MRC2: variants seen among roughly 807,000 people sequenced by gnomAD.
MRC2 encodes mannose receptor C-type 2.
MRC2 carries 84 observed loss-of-function variants against 206.2 expected under a neutral mutation model. The observed-to-expected ratio is 0.41, with a 90% CI of 0.34 to 0.49. The LOEUF (loss-of-function observed/expected upper bound fraction) is 0.49, where lower values mean the gene tolerates loss of function less well. Among genes scored for constraint, MRC2 ranks in the 20% least tolerant of loss-of-function variants. MRC2 has a pLI of 0.31. For missense variants in MRC2, 1,676 were observed against 2,001.5 expected (o/e 0.84, Z 3.10); for synonymous variants, 798 against 800.0 (o/e 1.00, Z 0.04).
At chr17:62,662,959 G>T (rs2088699061) in intron 1 of MRC2, among the ~76,000 whole-genome samples, 1 of 152,152 alleles carries the variant, frequency 6.6e-6, no homozygotes, top group Non-Finnish European at 1.5e-5. Context: ...CTAGCAGTCG[G>T]ATTCATCATT....
chr17:62,673,652 G>A (rs763788582), intron 8 of MRC2, among the ~76,000 whole-genome samples: 7 of 151,954 alleles, frequency 4.6e-5, no homozygotes, highest in Non-Finnish European at 7.4e-5. Flanking sequence ...GGGATTACAG[G>A]CATGCACCAC....
intron 1 of MRC2, among the ~76,000 whole-genome samples, chr17:62,650,480 C>T (rs1380231131): frequency 6.6e-6 from 1 of 152,242 alleles, no homozygotes; most frequent in South Asian, 2.1e-4. Flanking sequence ...CCAAACACAA[C>T]TTGCCTGTGG....
In MRC2 at chr17:62,680,934, G is replaced by C; in HGVS notation, c.2608G>C (p.Asp870His). ...CTCGGTGCACAGCCAGGCGGAGCTA[G>C]ACTTCCTGAGCCACAACTTGCAGAA... Reference protein sequence around the residue: ...LTSVHSQAELDFLSHNLQKFS... With the variant: ...LTSVHSQAELHFLSHNLQKFS... Residue 870 changes from aspartate to histidine, a missense_variant, in exon 17 of 30, where the codon GAC (aspartate) becomes CAC (histidine). Transcript: ENST00000303375. This position sits in a 1 kb window ranked among gnomAD's most constrained non-coding sequence, Gnocchi z 4.8. The C allele has an allele frequency of 1.2e-6, 2 of 1,613,144 alleles. No homozygotes were observed. Among genetic ancestry groups the C allele is most frequent in the Non-Finnish European group, 8.5e-7 (1 of 1,179,904 alleles).
intron 10 of MRC2, 102 bp downstream of exon 10, chr17:62,676,007 C>T (rs946384631): frequency 1.1e-6 from 1 of 942,846 alleles, no homozygotes; most frequent in Admixed American, 2.1e-5. Context: ...CCCAGAGGGA[C>T]CTGGAGTCCT....
rs960498377 is a variant in MRC2, at chr17:62,627,706, C to T, written c.-97C>T. 3.1e-5 allele frequency: 28 copies of T among 911,942 alleles called. No individual in the cohort carries two copies. Among genetic ancestry groups the T allele is most frequent in the Non-Finnish European group, 4.0e-5 (27 of 671,960 alleles). 56.5% of individuals were successfully genotyped at this position (911,942 alleles called of 1,614,324 possible). On this transcript the variant is annotated 5_prime_UTR_variant, in exon 1 of 30. Transcript: ENST00000303375. ...CCGACCCGGAGGAGGACGCGAGCCC[C>T]TTGCGGGCGGTCATCACAGCCCAGC...
chr17:62,653,326 C>T (rs1196835234), intron 1 of MRC2, among the ~76,000 whole-genome samples: 2 of 152,076 alleles, frequency 1.3e-5, no homozygotes, highest in East Asian at 3.9e-4. Context: ...CCAGAGAACC[C>T]CAGGGGCGGG....
intron 1 of MRC2, among the ~76,000 whole-genome samples, chr17:62,653,446 C>T (rs1304692727): frequency 6.6e-6 from 1 of 152,140 alleles, no homozygotes; most frequent in Non-Finnish European, 1.5e-5. Flanking sequence ...TCCCCACCAC[C>T]GCCTGCATTT....
At position 62,677,396 on chromosome 17, in the gene MRC2, G is replaced by A. The variant is rs2088907118; in HGVS notation, c.1962G>A (p.Pro654=). ...CRQSLGTPVT[P]ELPGPDPTPS... ...AGAGCCTGGGCACTCCAGTGACGCC[G>A]GAGCTGCCGGGGCCAGATCCCACGC... The change falls in exon 12 of 30, where the codon CCG becomes CCA. Residue 654 remains proline, a synonymous_variant. Transcript: ENST00000303375. 18 of 1,610,864 alleles carry A rather than the reference G, an allele frequency of 1.1e-5. No homozygotes were observed. The highest frequency in any genetic ancestry group is 2.7e-5 in the African/African-American group (2 of 74,938).
At chr17:62,655,498 C>T (rs1462430052) in intron 1 of MRC2, among the ~76,000 whole-genome samples, 5 of 151,996 alleles carry the variant, frequency 3.3e-5, no homozygotes, top group Admixed American at 6.6e-5. Context: ...GCCGAGATCG[C>T]GCCACTGCAC....
Position 62,664,022 on chromosome 17 carries a change from G to T in MRC2, c.119-526G>T, listed in dbSNP as rs372012484. On this transcript the variant is annotated intron_variant, in intron 1 of 29. Transcript: ENST00000303375. The surrounding 1 kb of genome is among the most constrained non-coding windows in gnomAD (Gnocchi z 4.7). ...TCGCCCAGGCTGGAGTGCAGTGGCGGGATCTCGGCTCACTGCAAGCTCCGC... is the reference window on the plus strand; with the variant it reads ...TCGCCCAGGCTGGAGTGCAGTGGCGTGATCTCGGCTCACTGCAAGCTCCGC... 5.7e-4 allele frequency among the ~76,000 whole-genome samples: 85 copies of T among 149,082 alleles called. No homozygotes were observed. The South Asian group carries it at 6.5e-3, about 11-fold the overall frequency.
intron 1 of MRC2, among the ~76,000 whole-genome samples, chr17:62,663,900 C>T (rs2088710116): frequency 6.6e-6 from 1 of 151,496 alleles, no homozygotes; most frequent in Non-Finnish European, 1.5e-5. Flanking sequence ...GCCTCCACTC[C>T]TCCTCATAAA....
chr17:62,638,143 G>A (rs2041284), intron 1 of MRC2, among the ~76,000 whole-genome samples: 102,149 of 152,066 alleles, frequency 0.67, 34,461 homozygotes, highest in East Asian at 0.81. Flanking sequence ...GATTACAGGC[G>A]TGAGCAACTA....
At chr17:62,651,381 C>T (rs574812178) in intron 1 of MRC2, among the ~76,000 whole-genome samples, 9 of 152,114 alleles carry the variant, frequency 5.9e-5, no homozygotes, top group Middle Eastern at 3.4e-3. Flanking sequence ...TGCGCCCGGC[C>T]GACAAACATC....
At chr17:62,669,148 G>T (rs2088795126) in intron 6 of MRC2, among the ~76,000 whole-genome samples, 1 of 151,460 alleles carries the variant, frequency 6.6e-6, no homozygotes, top group South Asian at 2.1e-4. Flanking sequence ...AGACAGTAAA[G>T]AGTTTACAGA....
Position 62,689,965 on chromosome 17 carries a change from G to A in MRC2, c.3645G>A (p.Gln1215=), listed in dbSNP as rs1238298409. Residue 1215 remains glutamine, a synonymous_variant, in exon 25 of 30, where the codon CAG becomes CAA. Transcript: ENST00000303375. ...NYVGWQDGEP[Q]QPGGCTYVDV... ...TGGGCTGGCAGGACGGGGAGCCGCA[G>A]CAGCCGGGGGGCTGTACCTACGTAG... The A allele has an allele frequency of 6.8e-6, 11 of 1,612,288 alleles. No homozygotes were observed. The highest frequency in any genetic ancestry group is 4.0e-5 in the African/African-American group (3 of 74,930).
In MRC2 at chr17:62,692,223, CT is replaced by C; in HGVS notation, c.4220-6del. ...CACTTGGCCTTTCACGCCCACTCGC[CT>C]TGGCAGCGCTTCCAGAGAACCCAGC... On this transcript the variant is annotated splice_polypyrimidine_tract_variant and splice_region_variant and intron_variant, in intron 29 of 29. Coordinates refer to ENST00000303375, the MANE Select transcript of MRC2 (RefSeq NM_006039.5). This position sits in a 1 kb window ranked among gnomAD's most constrained non-coding sequence, Gnocchi z 4.2. 1 of 1,612,298 alleles carries C rather than the reference CT, an allele frequency of 6.2e-7. No homozygotes were observed. The highest frequency in any genetic ancestry group is 8.5e-7 in the Non-Finnish European group (1 of 1,178,964).
At chr17:62,668,382 AT>A (rs1195667998) in intron 6 of MRC2, among the ~76,000 whole-genome samples, 40 of 151,042 alleles carry the variant, frequency 2.6e-4, no homozygotes, top group African/African-American at 7.5e-4. Context: ...AAATAAATAA[AT>A]AAATTTAAAA....
At chr17:62,668,097 C>T (rs943709791) in intron 6 of MRC2, among the ~76,000 whole-genome samples, 4 of 152,150 alleles carry the variant, frequency 2.6e-5, no homozygotes, top group Non-Finnish European at 5.9e-5. Context: ...TGGCTCACAC[C>T]TATAATCCCA....
intron 1 of MRC2, among the ~76,000 whole-genome samples, chr17:62,635,198 T>C (rs867938254): frequency 6.7e-6 from 1 of 149,428 alleles, no homozygotes; most frequent in South Asian, 2.1e-4. Flanking sequence ...TCTCTTTTTT[T>C]TTTTTTTTTT....
Sources: allele counts gnomAD v4.1 joint callset (sites outside exome capture counted in the v4.1 genomes callset), GRCh38; gene constraint gnomAD v4.1.1; non-coding constraint Gnocchi (gnomAD v3.1); transcripts MANE v1.5; gene names NCBI Gene and HGNC (gene_info 2026-07-23, HGNC 2026-07-21).